GPR132: variants seen among roughly 807,000 people sequenced by gnomAD.
GPR132 encodes the protein probable G protein-coupled receptor 132.
Under a neutral mutation model 1.9 loss-of-function variants are expected in GPR132, and 4 were observed. That is an observed-to-expected ratio of 2.13 (90% CI 1.05 to 4.87). The LOEUF (loss-of-function observed/expected upper bound fraction) is 4.87. GPR132 is among the 30% of genes most tolerant of loss of function. The probability of loss-of-function intolerance (pLI) is 0.01; values close to 1 mark genes in which losing one functional copy is unlikely to be tolerated. For synonymous variants in GPR132, 233 were observed against 234.2 expected, an observed-to-expected ratio of 0.99 and a Z score of 0.05; for missense variants, 404 against 512.5, an observed-to-expected ratio of 0.79 and a Z score of 2.04.
chr14:105,058,139 T>C (rs1403589846), intron 1 of GPR132: 1 of 151,926 alleles, frequency 6.6e-6, no homozygotes, highest in Non-Finnish European at 1.5e-5. Flanking sequence ...GAAGCTGAGG[T>C]GGGAGGATAG....
At chr14:105,054,246 C>T (rs779137170) in intron 3 of GPR132, 97 of 1,171,060 alleles carry the variant, frequency 8.3e-5, no homozygotes, top group Non-Finnish European at 9.5e-5. Context: ...TGCCCTGGCG[C>T]GAGGTCAGGG....
At position 105,059,347 on chromosome 14, in the gene GPR132, C is replaced by G. The variant is rs1040913866; in HGVS notation, c.-860-2067G>C. 2.6e-5 allele frequency among the ~76,000 whole-genome samples: 4 copies of G among 152,234 alleles called. No homozygotes were observed. The highest frequency in any genetic ancestry group is 6.5e-5 in the Admixed American group (1 of 15,284). On this transcript the variant is annotated intron_variant, in intron 1 of 3. Coordinates refer to ENST00000329797, the MANE Select transcript of GPR132 (RefSeq NM_013345.4). The surrounding 1 kb of genome is among the most constrained non-coding windows in gnomAD (Gnocchi z 4.2). ...ACCCACACCAAGGGCTCTGGGCCAG[C>G]AGGTGGGGCTGCCTGTGTGTTGACA...
At position 105,051,723 on chromosome 14, in the gene GPR132, G is replaced by T. The variant is rs138044047; in HGVS notation, c.414C>A (p.Cys138Ter). The T allele has an allele frequency of 6.2e-7, 1 of 1,614,098 alleles. No homozygotes were observed. ...CGTACACCACGGCCACGAAGCGGTC[G>T]CAGGAGATGCAGCACAGGAAGAGGA... ...VSILFLCCIS[C>*]DRFVAVVYAL... Residue 138 changes from cysteine to a stop codon, truncating the protein, a stop_gained, in exon 4 of 4, where the codon TGC becomes TGA. Coordinates refer to ENST00000329797, the MANE Select transcript of GPR132 (RefSeq NM_013345.4). LOFTEE classifies it low-confidence loss of function (END_TRUNC). The surrounding 1 kb of genome is among the most constrained non-coding windows in gnomAD (Gnocchi z 8.0).
chr14:105,062,148 T>C (rs1482723376), intron 1 of GPR132, among the ~76,000 whole-genome samples: 1 of 152,132 alleles, frequency 6.6e-6, no homozygotes, highest in Non-Finnish European at 1.5e-5. Flanking sequence ...AAGACCACAG[T>C]GTGTGTGGGC....
chr14:105,064,148 G>T (rs1282698354), intron 1 of GPR132, among the ~76,000 whole-genome samples: 1 of 152,006 alleles, frequency 6.6e-6, no homozygotes, highest in Non-Finnish European at 1.5e-5. Flanking sequence ...TGGATTGCCT[G>T]TAATTTCTAA....
At position 105,055,647 on chromosome 14, in the gene GPR132, C is replaced by T; in HGVS notation, c.-227G>A. The T allele has an allele frequency of 1.7e-6, 1 of 574,646 alleles. No homozygotes were observed. Among genetic ancestry groups the T allele is most frequent in the Non-Finnish European group, 3.1e-6 (1 of 318,582 alleles). 35.6% of individuals were successfully genotyped at this position (574,646 alleles called of 1,614,324 possible). A position where few individuals can be genotyped will look rare whatever the true frequency, so the allele number is the denominator to read the frequency against. On this transcript the variant is annotated 5_prime_UTR_variant, in exon 3 of 4. Coordinates refer to ENST00000329797, the MANE Select transcript of GPR132 (RefSeq NM_013345.4). This position sits in a 1 kb window ranked among gnomAD's most constrained non-coding sequence, Gnocchi z 4.7. ...TCCGTGTCTCACGTGCTCCACTCACCACAGTGTCCTCAAGCTCCCTCCTGT... is the reference window on the plus strand; with the variant it reads ...TCCGTGTCTCACGTGCTCCACTCACTACAGTGTCCTCAAGCTCCCTCCTGT...
chr14:105,064,697 T>A (rs1318293940), intron 1 of GPR132, among the ~76,000 whole-genome samples: 1 of 152,124 alleles, frequency 6.6e-6, no homozygotes, highest in Admixed American at 6.5e-5. Context: ...TCTCCTGAAA[T>A]ATCATTTTGT....
chr14:105,052,032 G>A lies in GPR132; in HGVS notation c.105C>T (p.Asn35=), dbSNP rs895826394. Residue 35 remains asparagine, a synonymous_variant, in exon 4 of 4, where the codon AAC becomes AAT. Coordinates refer to ENST00000329797, the MANE Select transcript of GPR132 (RefSeq NM_013345.4). Reference sequence around the variant, plus strand: ...CTATCCTGCTCTCTTCGAAGGACACGTTGTTGCAGGTCTTGGCGGAGAGGC... The same window carrying A: ...CTATCCTGCTCTCTTCGAAGGACACATTGTTGCAGGTCTTGGCGGAGAGGC... ...SLGLSAKTCN[N]VSFEESRIVL... The A allele has an allele frequency of 2.3e-5, 37 of 1,608,220 alleles. No homozygotes were observed. The highest frequency in any genetic ancestry group is 3.3e-5 in the South Asian group (3 of 91,032).
Position 105,055,680 on chromosome 14 carries a change from T to C in GPR132, c.-260A>G, listed in dbSNP as rs1419116431. The C allele has an allele frequency of 1.9e-6, 1 of 520,072 alleles. No individual in the cohort carries two copies. Among genetic ancestry groups the C allele is most frequent in the African/African-American group, 1.9e-5 (1 of 53,020 alleles). The allele number at this position is 520,072 out of a possible 1,614,324, so 32.2% of individuals were successfully genotyped here. On this transcript the variant is annotated 5_prime_UTR_variant, in exon 3 of 4. Coordinates refer to ENST00000329797, the MANE Select transcript of GPR132 (RefSeq NM_013345.4). This position sits in a 1 kb window ranked among gnomAD's most constrained non-coding sequence, Gnocchi z 4.7. ...CCTCAAGCTCCCTCCTGTTGCAGCGTGTGCCAGGATTTCCCTTCCTTTCAA... is the reference window on the plus strand; with the variant it reads ...CCTCAAGCTCCCTCCTGTTGCAGCGCGTGCCAGGATTTCCCTTCCTTTCAA...
Position 105,052,090 on chromosome 14 carries a change from G to A in GPR132, c.47C>T (p.Pro16Leu), listed in dbSNP as rs1041551838. 12 of 1,568,690 alleles carry A rather than the reference G, an allele frequency of 7.6e-6. No individual in the cohort carries two copies. Among genetic ancestry groups the A allele is most frequent in the Non-Finnish European group, 1.0e-5 (12 of 1,159,470 alleles). Residue 16 changes from proline (P) to leucine (L), a missense_variant, in exon 4 of 4, where the codon CCA becomes CTA. Pro to Leu is a moderately conservative substitution (Grantham distance 98). Transcript: ENST00000329797. Reference sequence around the variant, plus strand: ...GGCCCACGGGGCAGTGGTGGTCACTGGGGTGGCGTTTCCTGTGGGACAGAG... The same window carrying A: ...GGCCCACGGGGCAGTGGTGGTCACTAGGGTGGCGTTTCCTGTGGGACAGAG... ...LKNGYNGNAT[P>L]VTTTAPWASL...
In GPR132 at chr14:105,051,783, G is replaced by A. The variant is rs755588893; in HGVS notation, c.354C>T (p.Thr118=). ...WTLGLLACKV[T]AYIFFCNIYV... is the part of the protein sequence containing the mutation. Reference sequence around the variant, plus strand: ...AGATGTTGCAGAAGAAGATGTAGGCGGTCACCTTGCAGGCCAGCAGGCCTA... The same window carrying A: ...AGATGTTGCAGAAGAAGATGTAGGCAGTCACCTTGCAGGCCAGCAGGCCTA... The change falls in exon 4 of 4, where the codon ACC becomes ACT. Residue 118 remains threonine, a synonymous_variant. Transcript: ENST00000329797. The surrounding 1 kb of genome is among the most constrained non-coding windows in gnomAD (Gnocchi z 8.0). 11 of 1,614,048 alleles carry A rather than the reference G, an allele frequency of 6.8e-6. No homozygotes were observed. The highest frequency in any genetic ancestry group is 5.0e-5 in the Admixed American group (3 of 60,006).
At position 105,055,568 on chromosome 14, in the gene GPR132, CCT is replaced by C; in HGVS notation, c.-150_-149del. 1.4e-6 allele frequency: 1 copy of C among 702,542 alleles called. No individual in the cohort carries two copies. Among genetic ancestry groups the C allele is most frequent in the Non-Finnish European group, 2.6e-6 (1 of 378,602 alleles). 43.5% of individuals were successfully genotyped at this position (702,542 alleles called of 1,614,324 possible). On this transcript the variant is annotated 5_prime_UTR_variant, in exon 3 of 4. Coordinates refer to ENST00000329797, the MANE Select transcript of GPR132 (RefSeq NM_013345.4). This position sits in a 1 kb window ranked among gnomAD's most constrained non-coding sequence, Gnocchi z 4.7. ...ACTTTGTCTCTGTGCGCTGGGCTCC[CCT>C]GTCACCTCCCCACGTGGGTGGGCAT...
rs921927610 is a variant in GPR132, at chr14:105,059,944, T to C, written c.-860-2664A>G. Among the ~76,000 whole-genome samples the C allele has an allele frequency of 6.6e-6, 1 of 152,100 alleles. No individual in the cohort carries two copies. The highest frequency in any genetic ancestry group is 2.4e-5 in the African/African-American group (1 of 41,422). ...ACACATGAAAAAGTGAGACACTGAG[T>C]CAAGAAAGAAACAAGAAAAGCCATC... On this transcript the variant is annotated intron_variant, in intron 1 of 3. Coordinates refer to ENST00000329797, the MANE Select transcript of GPR132 (RefSeq NM_013345.4). The surrounding 1 kb of genome is among the most constrained non-coding windows in gnomAD (Gnocchi z 4.2).
At chr14:105,058,193 A>AC (rs1249804461) in intron 1 of GPR132, among the ~76,000 whole-genome samples, 3 of 152,050 alleles carry the variant, frequency 2.0e-5, no homozygotes, top group Middle Eastern at 3.4e-3. Flanking sequence ...ATATAGTAAC[A>AC]CCCCACACCT....
intron 1 of GPR132, among the ~76,000 whole-genome samples, chr14:105,062,486 T>C (rs375628941): frequency 1.3e-5 from 2 of 152,192 alleles, no homozygotes; most frequent in Non-Finnish European, 2.9e-5. Flanking sequence ...TCTCTTTCTT[T>C]TTTTCTTTTG....
chr14:105,051,202 G>A lies in GPR132; in HGVS notation c.935C>T (p.Thr312Met), dbSNP rs752397172. The A allele has an allele frequency of 3.4e-5, 55 of 1,613,958 alleles. No homozygotes were observed. The highest frequency in any genetic ancestry group is 1.6e-4 in the Middle Eastern group (1 of 6,082). The stretch of plus-strand genomic sequence containing the variant: ...GGACACTTCTTGGCGGGAATGGTCC[G>A]TGGCCAGCACGTAGATAATGGGGTC... ...VADPIIYVLA[T>M]DHSRQEVSRI... Residue 312 changes from threonine (T) to methionine (M), a missense_variant, in exon 4 of 4, where the codon ACG becomes ATG. Transcript: ENST00000329797. The surrounding 1 kb of genome is among the most constrained non-coding windows in gnomAD (Gnocchi z 8.0).
intron 1 of GPR132, among the ~76,000 whole-genome samples, chr14:105,057,665 C>T (rs917102777): frequency 1.3e-5 from 2 of 150,906 alleles, no homozygotes; most frequent in Non-Finnish European, 3.0e-5. Context: ...GGAGTACAGT[C>T]GCCTGCCACC....
chr14:105,065,098 A>C (rs1296411520), intron 1 of GPR132, among the ~76,000 whole-genome samples: 3 of 152,164 alleles, frequency 2.0e-5, no homozygotes, highest in Non-Finnish European at 4.4e-5. Flanking sequence ...CTTTTCCAGA[A>C]GAAAGTCTCC....
intron 3 of GPR132, among the ~76,000 whole-genome samples, chr14:105,053,645 A>G (rs548622772): frequency 7.9e-5 from 12 of 151,616 alleles, no homozygotes; most frequent in Non-Finnish European, 1.5e-4. Context: ...CTTCTTGGTG[A>G]ATTGATCCTC....
Sources: gnomAD v4.1 joint callset for allele counts (sites outside exome capture counted in the v4.1 genomes callset) on GRCh38, gnomAD v4.1.1 for gene constraint, Gnocchi (gnomAD v3.1) non-coding constraint, MANE v1.5 for transcripts, NCBI Gene and HGNC (gene_info 2026-07-23, HGNC 2026-07-21) for gene names.